The following RGS18 variants were observed in gnomAD, a reference collection of about 807,000 sequenced individuals.
RGS18 encodes regulator of G-protein signaling 18.
Under a neutral mutation model 27.6 loss-of-function variants are expected in RGS18, and 22 were observed. The ratio of observed to expected loss-of-function variants is 0.80; its 90% CI spans 0.57 to 1.14. The LOEUF is 1.14. Ranked by LOEUF, RGS18 falls within the 50% of genes most tolerant of loss-of-function variation. RGS18 has a pLI of 0.00. For synonymous variants in RGS18, 89 were observed against 84.6 expected (o/e 1.05, Z -0.29); for missense variants, 299 against 269.6 (o/e 1.11, Z -0.76).
chr1:192,174,224 A>T (rs922666358), intron 3 of RGS18, among the ~76,000 whole-genome samples: 1 of 151,722 alleles, frequency 6.6e-6, no homozygotes, highest in Non-Finnish European at 1.5e-5. Flanking sequence ...CTTATTTTCA[A>T]ATATTTGTTT....
At chr1:192,183,638 T>C (rs752663550) in intron 4 of RGS18, among the ~76,000 whole-genome samples, 2 of 151,532 alleles carry the variant, frequency 1.3e-5, no homozygotes, top group African/African-American at 4.8e-5. Flanking sequence ...ATTCTTGCAC[T>C]GCAACAGACA....
intron 4 of RGS18, among the ~76,000 whole-genome samples, chr1:192,183,946 A>T (rs1435113866): frequency 6.6e-6 from 1 of 151,550 alleles, no homozygotes; most frequent in East Asian, 1.9e-4. Flanking sequence ...CAGTTATCTC[A>T]CATTTCAGAA....
At chr1:192,184,085 C>T (rs902086023) in intron 4 of RGS18, among the ~76,000 whole-genome samples, 1 of 151,558 alleles carries the variant, frequency 6.6e-6, no homozygotes, top group Non-Finnish European at 1.5e-5. Flanking sequence ...GGGAAATCCA[C>T]CCCCATGATC....
At position 192,165,514 on chromosome 1, in the gene RGS18, G is replaced by T. The variant is rs140541243; in HGVS notation, c.283+5075G>T. 1.6e-3 allele frequency among the ~76,000 whole-genome samples: 249 copies of T among 152,254 alleles called. No individual in the cohort carries two copies. The Middle Eastern group carries it at 0.024, about 15-fold the overall frequency. On this transcript the variant is annotated intron_variant, in intron 3 of 4. Coordinates refer to ENST00000367460, the MANE Select transcript of RGS18 (RefSeq NM_130782.3). ...AAAAACTTGCTGGTTTTGTGGCTCA[G>T]GGGGCATCACGGAACCTGCCGATGT...
Position 192,184,783 on chromosome 1 carries a change from CTT to C in RGS18, c.*230_*231del, listed in dbSNP as rs774241818. 33 of 420,604 alleles carry C rather than the reference CTT, an allele frequency of 7.8e-5. No homozygotes were observed. Among genetic ancestry groups the C allele is most frequent in the African/African-American group, 5.9e-4 (29 of 49,458 alleles). The allele number at this position is 420,604 out of a possible 1,614,324, so 26.1% of individuals were successfully genotyped here. ...ATTCCATTTATAATCAGAAAAAAAA[CTT>C]ATTTCTTAATCAAAAGGCAGTACAA... On this transcript the variant is annotated 3_prime_UTR_variant, in exon 5 of 5. Coordinates refer to ENST00000367460, the MANE Select transcript of RGS18 (RefSeq NM_130782.3).
intron 3 of RGS18, chr1:192,160,649 G>A: frequency 2.1e-6 from 1 of 482,966 alleles, no homozygotes; most frequent in East Asian, 3.1e-5. Context: ...ATTACCTACT[G>A]TGGATGAAAT....
At chr1:192,177,854 T>C (rs1656383715) in intron 3 of RGS18, among the ~76,000 whole-genome samples, 1 of 151,568 alleles carries the variant, frequency 6.6e-6, no homozygotes, top group Admixed American at 6.6e-5. Context: ...AAAAACATAG[T>C]AGGAAGAGAT....
chr1:192,176,055 C>G (rs551887814), intron 3 of RGS18, among the ~76,000 whole-genome samples: 1 of 151,824 alleles, frequency 6.6e-6, no homozygotes, highest in Admixed American at 6.6e-5. Flanking sequence ...TTTTTATGTC[C>G]GAGGGAATAC....
At chr1:192,160,184 AACAG>A (rs1048605748) in intron 2 of RGS18, among the ~76,000 whole-genome samples, 190 bp from the exon 3 acceptor site, 64 of 152,340 alleles carry the variant, frequency 4.2e-4, no homozygotes, top group Admixed American at 5.2e-4. Context: ...CACATTATTC[AACAG>A]ACAAATTCCA....
At chr1:192,170,379 G>A (rs1440849173) in intron 3 of RGS18, among the ~76,000 whole-genome samples, 1 of 152,020 alleles carries the variant, frequency 6.6e-6, no homozygotes, top group Non-Finnish European at 1.5e-5. Flanking sequence ...TAACATGCAA[G>A]CTGAATGTTT....
chr1:192,181,371 T>C lies in RGS18; in HGVS notation c.363T>C (p.Asp121=). ...ENIEFWIACE[D]FKKSKGPQQI... ...TTGAATTTTGGATAGCCTGTGAAGA[T>C]TTCAAGAAAAGCAAGGGACCTCAAC... Residue 121 remains aspartate, a synonymous_variant, in exon 4 of 5, where the codon GAT becomes GAC. Transcript: ENST00000367460. 1 of 1,593,498 alleles carries C rather than the reference T, an allele frequency of 6.3e-7. No individual in the cohort carries two copies.
chr1:192,174,012 T>A (rs1656314760), intron 3 of RGS18, among the ~76,000 whole-genome samples: 1 of 151,752 alleles, frequency 6.6e-6, no homozygotes, highest in African/African-American at 2.4e-5. Flanking sequence ...CTGTTTTTTT[T>A]CTTTCTTTTT....
chr1:192,162,435 A>G (rs1656090083), intron 3 of RGS18, among the ~76,000 whole-genome samples: 1 of 151,986 alleles, frequency 6.6e-6, no homozygotes, highest in Admixed American at 6.6e-5. Context: ...CAGCCTCTGG[A>G]GTAGCTGGGA....
intron 4 of RGS18, among the ~76,000 whole-genome samples, chr1:192,183,562 G>A (rs1023496689): frequency 2.6e-5 from 4 of 151,476 alleles, no homozygotes; most frequent in Admixed American, 1.3e-4. Flanking sequence ...GGAATTCCAG[G>A]AGAGAAGAAA....
intron 3 of RGS18, among the ~76,000 whole-genome samples, chr1:192,165,533 C>A (rs1008810298): frequency 1.3e-5 from 2 of 152,146 alleles, no homozygotes; most frequent in Non-Finnish European, 2.9e-5. Flanking sequence ...ACGGAACCTG[C>A]CGATGTGATG....
At chr1:192,165,829 AT>A (rs1285620964) in intron 3 of RGS18, among the ~76,000 whole-genome samples, 1 of 152,080 alleles carries the variant, frequency 6.6e-6, no homozygotes, top group Non-Finnish European at 1.5e-5. Flanking sequence ...TTATTAGTCT[AT>A]TTTTTCTGCT....
At chr1:192,160,244 T>C (rs1298759034) in intron 2 of RGS18, 134 bp from the exon 3 acceptor site, 1 of 443,468 alleles carries the variant, frequency 2.3e-6, no homozygotes, top group East Asian at 3.5e-5. Flanking sequence ...GTAAATGCAA[T>C]TTTCATTATA....
intron 3 of RGS18, among the ~76,000 whole-genome samples, chr1:192,162,770 A>C (rs148020889): frequency 1.3e-3 from 193 of 152,220 alleles, no homozygotes; most frequent in Non-Finnish European, 1.0e-3. Context: ...TTTATTTTAA[A>C]ATCTCCTCTT....
chr1:192,182,424 C>T (rs1470947428), intron 4 of RGS18, among the ~76,000 whole-genome samples: 1 of 151,520 alleles, frequency 6.6e-6, no homozygotes, highest in African/African-American at 2.4e-5. Context: ...TTTCTACGTG[C>T]ATATCCCTGA....
Sources: gnomAD v4.1 joint callset for allele counts (sites outside exome capture counted in the v4.1 genomes callset) on GRCh38, gnomAD v4.1.1 for gene constraint, MANE v1.5 for transcripts, NCBI Gene and HGNC (gene_info 2026-07-23, HGNC 2026-07-21) for gene names.